The following CHRM3 variants were observed in gnomAD, a reference collection of about 807,000 sequenced individuals.
CHRM3 encodes cholinergic receptor muscarinic 3.
In CHRM3, 11 loss-of-function variants were observed where a neutral mutation model predicts 41.8. The ratio of observed to expected loss-of-function variants is 0.26; its 90% CI spans 0.17 to 0.44. CHRM3 has a LOEUF of 0.44. CHRM3 is among the 20% of genes least tolerant of loss of function. CHRM3 has a pLI of 1.00. For synonymous variants in CHRM3, 297 were observed against 301.4 expected (o/e 0.99, Z 0.15); for missense variants, 571 against 745.4 (o/e 0.77, Z 2.72).
chr1:239,865,852 ACAGAGAGTTGGT>A (rs1435948359), intron 6 of CHRM3, among the ~76,000 whole-genome samples: 1 of 152,172 alleles, frequency 6.6e-6, no homozygotes, highest in African/African-American at 2.4e-5. Context: ...CTCCTTGAAT[ACAGAGAGTTGGT>A]CTGGTTGTCC....
chr1:239,602,649 T>C (rs888638917), intron 3 of CHRM3, among the ~76,000 whole-genome samples: 17 of 152,326 alleles, frequency 1.1e-4, no homozygotes, highest in African/African-American at 3.8e-4. Context: ...AAGTTTTTTG[T>C]GTAGCATTAT....
intron 1 of CHRM3, among the ~76,000 whole-genome samples, chr1:239,454,558 T>C (rs1664785768): frequency 6.6e-6 from 1 of 151,946 alleles, no homozygotes; most frequent in Non-Finnish European, 1.5e-5. Context: ...TGTTCAGCAC[T>C]TCTCGCCTTT....
chr1:239,590,326 G>T (rs1043576048), intron 3 of CHRM3, among the ~76,000 whole-genome samples: 3 of 151,870 alleles, frequency 2.0e-5, no homozygotes, highest in South Asian at 2.1e-4. Flanking sequence ...TATATCTCTG[G>T]GTATATGAAG....
At chr1:239,811,871 G>T (rs1321315264) in intron 5 of CHRM3, among the ~76,000 whole-genome samples, 1 of 152,180 alleles carries the variant, frequency 6.6e-6, no homozygotes, top group Non-Finnish European at 1.5e-5. Context: ...TAGACAATTT[G>T]TAGCAGCAGA....
intron 2 of CHRM3, among the ~76,000 whole-genome samples, chr1:239,543,464 T>C (rs1284558425): frequency 2.6e-5 from 4 of 151,984 alleles, no homozygotes; most frequent in African/African-American, 9.7e-5. Flanking sequence ...CTCCTCCAAA[T>C]CAAGCATGAA....
intron 1 of CHRM3, among the ~76,000 whole-genome samples, chr1:239,388,894 T>A (rs1161873605): frequency 6.6e-6 from 1 of 152,196 alleles, no homozygotes; most frequent in East Asian, 1.9e-4. Context: ...TAATTAGCTA[T>A]TGTTGGGCTA....
intron 4 of CHRM3, among the ~76,000 whole-genome samples, chr1:239,635,543 G>T (rs995863088): frequency 1.4e-4 from 21 of 151,960 alleles, no homozygotes; most frequent in Non-Finnish European, 2.8e-4. Flanking sequence ...TCTCCTAACC[G>T]CTCTCTAAAT....
chr1:239,877,474 G>A (rs371856846), intron 6 of CHRM3, among the ~76,000 whole-genome samples: 1 of 152,154 alleles, frequency 6.6e-6, no homozygotes, highest in Non-Finnish European at 1.5e-5. Flanking sequence ...CAACTACGTG[G>A]TGAATAAACC....
intron 6 of CHRM3, among the ~76,000 whole-genome samples, chr1:239,858,859 T>C (rs1423687510): frequency 1.3e-5 from 2 of 152,256 alleles, no homozygotes; most frequent in African/African-American, 4.8e-5. Context: ...TTGTATAGTA[T>C]GTGACCATTG....
intron 1 of CHRM3, among the ~76,000 whole-genome samples, chr1:239,452,219 C>A (rs1664604664): frequency 6.6e-6 from 1 of 152,122 alleles, no homozygotes; most frequent in South Asian, 2.1e-4. Flanking sequence ...GCTTGAGTTC[C>A]TACTCATGTA....
At chr1:239,862,132 C>G (rs139872460) in intron 6 of CHRM3, among the ~76,000 whole-genome samples, 30 of 152,330 alleles carry the variant, frequency 2.0e-4, no homozygotes, top group African/African-American at 6.7e-4. Flanking sequence ...GGTTGCAAAA[C>G]CTTCTGAAGT....
At chr1:239,420,303 C>T (rs566149367) in intron 1 of CHRM3, among the ~76,000 whole-genome samples, 3 of 152,292 alleles carry the variant, frequency 2.0e-5, no homozygotes, top group African/African-American at 4.8e-5. Context: ...CTCTCTCAGC[C>T]GCATGGTAGT....
chr1:239,500,752 C>T (rs1668186970), intron 2 of CHRM3, among the ~76,000 whole-genome samples: 1 of 151,668 alleles, frequency 6.6e-6, no homozygotes, highest in African/African-American at 2.4e-5. Context: ...CAACAAAAAG[C>T]ATGACGAATG....
chr1:239,668,095 T>C (rs1674000310), intron 4 of CHRM3, among the ~76,000 whole-genome samples: 1 of 130,928 alleles, frequency 7.6e-6, no homozygotes, highest in Admixed American at 7.6e-5. Flanking sequence ...CTTTCTTTTT[T>C]TTTTTTTTTT....
At chr1:239,487,557 T>G (rs1262429418) in intron 1 of CHRM3, among the ~76,000 whole-genome samples, 1 of 152,040 alleles carries the variant, frequency 6.6e-6, no homozygotes, top group Non-Finnish European at 1.5e-5. Flanking sequence ...ACTGTGAGAT[T>G]AAAAAAATAG....
chr1:239,903,548 A>T (rs1234262204), intron 6 of CHRM3, among the ~76,000 whole-genome samples: 1 of 152,184 alleles, frequency 6.6e-6, no homozygotes, highest in Non-Finnish European at 1.5e-5. Context: ...GGTGACAGAA[A>T]GTATCTCTGG....
At chr1:239,390,653 C>T (rs576559855) in intron 1 of CHRM3, among the ~76,000 whole-genome samples, 2 of 148,612 alleles carry the variant, frequency 1.3e-5, no homozygotes, top group African/African-American at 5.0e-5. Context: ...GGTTAGAGTG[C>T]AGTGGCATGA....
chr1:239,839,128 A>G (rs1034540119), intron 6 of CHRM3, among the ~76,000 whole-genome samples: 4 of 152,226 alleles, frequency 2.6e-5, no homozygotes, highest in African/African-American at 9.6e-5. Flanking sequence ...AAATGACTCC[A>G]TAAGATAGAC....
chr1:239,710,667 A>G (rs976449074), intron 5 of CHRM3, among the ~76,000 whole-genome samples: 1 of 152,186 alleles, frequency 6.6e-6, no homozygotes, highest in African/African-American at 2.4e-5. Context: ...TTTAGTAACT[A>G]TATTGAATGC....
Sources: allele counts gnomAD v4.1 joint callset (sites outside exome capture counted in the v4.1 genomes callset), GRCh38; gene constraint gnomAD v4.1.1; transcripts MANE v1.5; gene names NCBI Gene and HGNC (gene_info 2026-07-23, HGNC 2026-07-21).